Variants in PRKG1 observed in about 807,000 individuals in gnomAD.
PRKG1 encodes the protein cGMP-dependent protein kinase 1.
A neutral mutation model predicts 88.1 loss-of-function variants in PRKG1; 35 were observed. The observed-to-expected ratio is 0.40, with a 90% CI of 0.30 to 0.53. The LOEUF (loss-of-function observed/expected upper bound fraction) is 0.53, where lower values mean the gene tolerates loss of function less well. Among genes scored for constraint, PRKG1 ranks in the 20% least tolerant of loss-of-function variants. The pLI is 0.59. For synonymous variants in PRKG1, 303 were observed against 292.5 expected, an observed-to-expected ratio of 1.04 and a Z score of -0.37; for missense variants, 540 against 839.8, an observed-to-expected ratio of 0.64 and a Z score of 4.41.
intron 7 of PRKG1, among the ~76,000 whole-genome samples, chr10:52,121,298 A>G (rs145398723): frequency 9.2e-5 from 14 of 152,264 alleles, no homozygotes; most frequent in African/African-American, 3.4e-4. Context: ...TCTTTGTCCC[A>G]TATTCTTGAT....
At chr10:51,942,414 C>G (rs1429513386) in intron 5 of PRKG1, among the ~76,000 whole-genome samples, 1 of 150,370 alleles carries the variant, frequency 6.7e-6, no homozygotes, top group Non-Finnish European at 1.5e-5. Flanking sequence ...CCTGTTCACT[C>G]TGATGGTAGT....
intron 3 of PRKG1, among the ~76,000 whole-genome samples, chr10:51,621,913 T>C (rs1839220833): frequency 6.6e-6 from 1 of 152,210 alleles, no homozygotes; most frequent in Non-Finnish European, 1.5e-5. Context: ...AAACTTGGAC[T>C]CTTGATTCGG....
intron 4 of PRKG1, among the ~76,000 whole-genome samples, chr10:51,817,667 G>T (rs1175384273): frequency 1.3e-5 from 2 of 152,066 alleles, no homozygotes; most frequent in Non-Finnish European, 2.9e-5. Flanking sequence ...CATATGTGTT[G>T]TTGTTATTTT....
At chr10:51,600,943 A>G (rs1288214871) in intron 3 of PRKG1, among the ~76,000 whole-genome samples, 2 of 150,136 alleles carry the variant, frequency 1.3e-5, no homozygotes, top group African/African-American at 5.0e-5. Flanking sequence ...AGAGGAAGAG[A>G]AGATGAAGAT....
At chr10:51,631,874 T>TAGGAGAG in intron 3 of PRKG1, among the ~76,000 whole-genome samples, 1 of 152,194 alleles carries the variant, frequency 6.6e-6, no homozygotes, top group Non-Finnish European at 1.5e-5. Context: ...GGAACATGTT[T>TAGGAGAG]GTAACCAGTA....
At chr10:52,054,252 T>C (rs1846056281) in intron 5 of PRKG1, among the ~76,000 whole-genome samples, 1 of 152,146 alleles carries the variant, frequency 6.6e-6, no homozygotes, top group African/African-American at 2.4e-5. Context: ...ACATGTACCC[T>C]AAAACTTAAA....
At chr10:52,247,809 G>T (rs968686968) in intron 9 of PRKG1, among the ~76,000 whole-genome samples, 2 of 152,092 alleles carry the variant, frequency 1.3e-5, no homozygotes, top group African/African-American at 4.8e-5. Context: ...CAGCTCGGTC[G>T]GGGAGACCCT....
intron 2 of PRKG1, among the ~76,000 whole-genome samples, chr10:51,459,052 T>C (rs887491965): frequency 6.6e-6 from 1 of 152,136 alleles, no homozygotes; most frequent in African/African-American, 2.4e-5. Flanking sequence ...TACATGCAAA[T>C]TCCTGAGTCC....
chr10:52,137,517 T>C (rs1837460792), intron 8 of PRKG1, among the ~76,000 whole-genome samples: 1 of 152,044 alleles, frequency 6.6e-6, no homozygotes, highest in Non-Finnish European at 1.5e-5. Context: ...CCACGGGGGA[T>C]TGGTTCAAGG....
intron 3 of PRKG1, among the ~76,000 whole-genome samples, chr10:51,500,305 A>G (rs1000398948): frequency 6.6e-6 from 1 of 152,202 alleles, no homozygotes; most frequent in Non-Finnish European, 1.5e-5. Flanking sequence ...AATACTTCCA[A>G]TAAATAGTGC....
At chr10:52,168,334 CT>C (rs2132703399) in intron 9 of PRKG1, among the ~76,000 whole-genome samples, 1 of 152,216 alleles carries the variant, frequency 6.6e-6, no homozygotes, top group South Asian at 2.1e-4. Flanking sequence ...AGCATTCTAG[CT>C]GGCGGAACAA....
At chr10:52,020,008 A>G (rs1160636689) in intron 5 of PRKG1, among the ~76,000 whole-genome samples, 1 of 152,006 alleles carries the variant, frequency 6.6e-6, no homozygotes, top group East Asian at 1.9e-4. Context: ...ATCTTAATAT[A>G]TTGTATTTAC....
Position 51,542,813 on chromosome 10 carries a change from G to T in PRKG1, c.592+74977G>T, listed in dbSNP as rs1312661503. Among the ~76,000 whole-genome samples the T allele has an allele frequency of 3.3e-5, 5 of 152,234 alleles. No individual in the cohort carries two copies. In the East Asian group the frequency reaches 9.7e-4, roughly 29 times the overall value. On this transcript the variant is annotated intron_variant, in intron 3 of 17. Coordinates refer to ENST00000373980, the MANE Select transcript of PRKG1 (RefSeq NM_006258.4). Reference sequence around the variant, plus strand: ...TGAAGACGGCCTTCTCTTTCTGTGTGGCCTTAGGCAAGTTATGTAGCCTAT... The same window carrying T: ...TGAAGACGGCCTTCTCTTTCTGTGTTGCCTTAGGCAAGTTATGTAGCCTAT...
At chr10:51,145,915 A>G (rs778093502) in intron 1 of PRKG1, among the ~76,000 whole-genome samples, 1 of 152,142 alleles carries the variant, frequency 6.6e-6, no homozygotes, top group Non-Finnish European at 1.5e-5. Context: ...TCTCACCTAC[A>G]GTGTAAACTT....
intron 3 of PRKG1, among the ~76,000 whole-genome samples, chr10:51,712,699 C>T (rs1278212593): frequency 6.8e-6 from 1 of 147,868 alleles, no homozygotes; most frequent in Admixed American, 6.9e-5. Context: ...ACGCTATTCT[C>T]CTGCCTCAGC....
intron 9 of PRKG1, among the ~76,000 whole-genome samples, chr10:52,245,425 A>T (rs1407632838): frequency 2.0e-5 from 3 of 152,136 alleles, no homozygotes; most frequent in African/African-American, 7.2e-5. Flanking sequence ...CAGAGTTGGA[A>T]GGACAAAGTC....
At chr10:51,631,845 C>A (rs1839534831) in intron 3 of PRKG1, among the ~76,000 whole-genome samples, 1 of 152,166 alleles carries the variant, frequency 6.6e-6, no homozygotes, top group Non-Finnish European at 1.5e-5. Context: ...GCCTGTTACT[C>A]ACCTCATGCT....
intron 7 of PRKG1, among the ~76,000 whole-genome samples, chr10:52,104,011 A>C (rs1055925772): frequency 1.6e-4 from 13 of 81,146 alleles, no homozygotes; most frequent in Non-Finnish European, 1.7e-4. Context: ...TATATATAAT[A>C]TATATATATA....
chr10:51,999,969 A>G (rs565236016), intron 5 of PRKG1, among the ~76,000 whole-genome samples: 1 of 152,248 alleles, frequency 6.6e-6, no homozygotes, highest in South Asian at 2.1e-4. Flanking sequence ...TATTAGTCCA[A>G]TAAAAGGTTT....
Sources: allele counts gnomAD v4.1 joint callset (sites outside exome capture counted in the v4.1 genomes callset), GRCh38; gene constraint gnomAD v4.1.1; transcripts MANE v1.5; gene names NCBI Gene and HGNC (gene_info 2026-07-23, HGNC 2026-07-21).